The following FCF1 variants were observed in gnomAD, a reference collection of about 807,000 sequenced individuals.
FCF1 encodes FCF1 rRNA-processing protein.
FCF1 carries 17 observed loss-of-function variants against 32.5 expected under a neutral mutation model. The ratio of observed to expected loss-of-function variants is 0.52; its 90% CI spans 0.36 to 0.78. The LOEUF is 0.78. Ranked by LOEUF, FCF1 falls within the 30% of genes least tolerant of loss-of-function variation. The pLI is 0.00. For synonymous variants in FCF1, 84 were observed against 78.4 expected, an observed-to-expected ratio of 1.07 and a Z score of -0.38; for missense variants, 201 against 241.1, an observed-to-expected ratio of 0.83 and a Z score of 1.10.
At chr14:74,723,922 T>C (rs567700845) in intron 5 of FCF1, among the ~76,000 whole-genome samples, 1 of 151,878 alleles carries the variant, frequency 6.6e-6, no homozygotes, top group Non-Finnish European at 1.5e-5. Flanking sequence ...TAAACAGACA[T>C]ACATAATCAA....
chr14:74,730,655 A>G (rs925204024), intron 5 of FCF1, among the ~76,000 whole-genome samples: 3 of 152,148 alleles, frequency 2.0e-5, no homozygotes, highest in Non-Finnish European at 4.4e-5. Flanking sequence ...CAGAGGCTGC[A>G]ATGAGCCAAG....
chr14:74,716,864 A>C (rs1265390087), intron 4 of FCF1, among the ~76,000 whole-genome samples: 1 of 152,116 alleles, frequency 6.6e-6, no homozygotes, highest in Non-Finnish European at 1.5e-5. Flanking sequence ...AAAAATTTGT[A>C]CCTCCCTTTT....
At chr14:74,717,085 C>CG (rs1331296000) in intron 4 of FCF1, among the ~76,000 whole-genome samples, 1 of 152,074 alleles carries the variant, frequency 6.6e-6, no homozygotes, top group African/African-American at 2.4e-5. Context: ...TCCCAGCACT[C>CG]GCGGTGGCTC....
chr14:74,729,308 A>G (rs1484885943), intron 5 of FCF1, among the ~76,000 whole-genome samples: 1 of 151,832 alleles, frequency 6.6e-6, no homozygotes, highest in African/African-American at 2.4e-5. Flanking sequence ...CAGAGATTCA[A>G]CTTCTTCCTG....
rs1260376615 is a variant in FCF1 at position 74,735,782 on chromosome 14, A to C, written c.*852A>C. ...GGGGTGGATATTTTTAGTAGAGACA[A>C]ATACTTTTGTATTTTTAATACAGAA... On this transcript the variant is annotated 3_prime_UTR_variant, in exon 8 of 8. Transcript: ENST00000341162. 6.6e-6 allele frequency: 1 copy of C among 152,084 alleles called. No individual in the cohort carries two copies. The highest frequency in any genetic ancestry group is 1.5e-5 in the Non-Finnish European group (1 of 68,196). 9.4% of individuals were successfully genotyped at this position (152,084 alleles called of 1,614,324 possible).
Position 74,737,812 on chromosome 14 carries a change from A to G in FCF1, c.*2882A>G, listed in dbSNP as rs2111703. 0.69 allele frequency: 105,382 copies of G among 151,878 alleles called. 36,684 individuals carry two copies. Among genetic ancestry groups the G allele is most frequent in the East Asian group, 0.75 (3,842 of 5,140 alleles). The allele number at this position is 151,878 out of a possible 1,614,324, so 9.4% of individuals were successfully genotyped here. On this transcript the variant is annotated 3_prime_UTR_variant, in exon 8 of 8. Transcript: ENST00000341162. ...AGCCTGACCAACATGGAGAAACCCC[A>G]TCTCTACTAAAAATACAAAAAAACA...
At chr14:74,720,444 A>G (rs1460408089) in intron 4 of FCF1, among the ~76,000 whole-genome samples, 2 of 152,220 alleles carry the variant, frequency 1.3e-5, no homozygotes, top group East Asian at 3.8e-4. Context: ...ATAAAAATAG[A>G]ATCTTATAAT....
rs2090724971 is a variant in FCF1, at chr14:74,738,322, A to G, written c.*3392A>G. 2 of 152,190 alleles carry G rather than the reference A, an allele frequency of 1.3e-5. No homozygotes were observed. The highest frequency in any genetic ancestry group is 1.9e-4 in the East Asian group (1 of 5,196). The allele number at this position is 152,190 out of a possible 1,614,324, so 9.4% of individuals were successfully genotyped here. A position where few individuals can be genotyped will look rare whatever the true frequency, so the allele number is the denominator to read the frequency against. On this transcript the variant is annotated 3_prime_UTR_variant, in exon 8 of 8. Coordinates refer to ENST00000341162, the MANE Select transcript of FCF1 (RefSeq NM_015962.5). ...CTGCACCCACCCTAAACTTATTTCT[A>G]AGCTATGGAAGCATTAGGAAAATAA...
At chr14:74,721,515 A>T (rs1010983539) in intron 4 of FCF1, among the ~76,000 whole-genome samples, 9 of 152,136 alleles carry the variant, frequency 5.9e-5, no homozygotes, top group Admixed American at 2.0e-4. Flanking sequence ...AGCCTGACCA[A>T]CATGGTGAAA....
chr14:74,718,315 C>T (rs1033039283), intron 4 of FCF1, among the ~76,000 whole-genome samples: 7 of 152,176 alleles, frequency 4.6e-5, no homozygotes, highest in Non-Finnish European at 8.8e-5. Flanking sequence ...TTCTCTTCTG[C>T]CTATGAATCC....
chr14:74,720,102 A>G (rs903040803), intron 4 of FCF1, among the ~76,000 whole-genome samples: 6 of 152,230 alleles, frequency 3.9e-5, no homozygotes, highest in African/African-American at 1.4e-4. Flanking sequence ...AGATCGTGCC[A>G]TTGCAAGAGC....
At chr14:74,717,290 A>G (rs898095445) in intron 4 of FCF1, among the ~76,000 whole-genome samples, 5 of 152,016 alleles carry the variant, frequency 3.3e-5, no homozygotes, top group African/African-American at 4.8e-5. Context: ...TGGGAGGTGG[A>G]GCTTGCAGTG....
Position 74,736,916 on chromosome 14 carries a change from T to C in FCF1, c.*1986T>C, listed in dbSNP as rs2090713143. 6.6e-6 allele frequency: 1 copy of C among 152,122 alleles called. No homozygotes were observed. The highest frequency in any genetic ancestry group is 1.5e-5 in the Non-Finnish European group (1 of 68,036). 9.4% of individuals were successfully genotyped at this position (152,122 alleles called of 1,614,324 possible). A position where few individuals can be genotyped will look rare whatever the true frequency, so the allele number is the denominator to read the frequency against. On this transcript the variant is annotated 3_prime_UTR_variant, in exon 8 of 8. Transcript: ENST00000341162. ...TGCTAGGGTAAAAGTTTCAGAGGCA[T>C]GTCATGGGCACATAAAGGTGGAATG...
chr14:74,725,632 T>C (rs971185803), intron 5 of FCF1, among the ~76,000 whole-genome samples: 2 of 151,500 alleles, frequency 1.3e-5, no homozygotes, highest in African/African-American at 4.9e-5. Flanking sequence ...CTACAAAACT[T>C]TAAAAATTTG....
chr14:74,716,480 C>G (rs144821640), intron 4 of FCF1, among the ~76,000 whole-genome samples: 157 of 152,286 alleles, frequency 1.0e-3, no homozygotes, highest in Admixed American at 1.4e-3. Flanking sequence ...TGTTGAAACA[C>G]TAAATAAGAC....
chr14:74,726,321 T>C (rs1422219942), intron 5 of FCF1, among the ~76,000 whole-genome samples: 2 of 149,176 alleles, frequency 1.3e-5, no homozygotes, highest in African/African-American at 4.9e-5. Context: ...ACCCAATGTC[T>C]ATGAAACATT....
At chr14:74,723,979 A>G (rs1177355973) in intron 5 of FCF1, among the ~76,000 whole-genome samples, 3 of 152,248 alleles carry the variant, frequency 2.0e-5, no homozygotes, top group Non-Finnish European at 2.9e-5. Context: ...CATCTGTAAG[A>G]AAAACATAAT....
Position 74,735,205 on chromosome 14 carries a change from T to TA in FCF1, c.*276dup, listed in dbSNP as rs1566723659. ...ATATTACAGAAGCAAGAAAGACAGT[T>TA]ATTCAATTAACTGAGACATGCATTA... On this transcript the variant is annotated 3_prime_UTR_variant, in exon 8 of 8. Coordinates refer to ENST00000341162, the MANE Select transcript of FCF1 (RefSeq NM_015962.5). 1 of 352,218 alleles carries TA rather than the reference T, an allele frequency of 2.8e-6. No homozygotes were observed. The highest frequency in any genetic ancestry group is 5.1e-6 in the Non-Finnish European group (1 of 194,962). The allele number at this position is 352,218 out of a possible 1,614,324, so 21.8% of individuals were successfully genotyped here.
chr14:74,735,100 G>T lies in FCF1; in HGVS notation c.*170G>T. ...CAGTCAGATTAACATCCAAAGGACTGAACCCTGAACAGAGTTAAGTTACCT... is the reference window on the plus strand; with the variant it reads ...CAGTCAGATTAACATCCAAAGGACTTAACCCTGAACAGAGTTAAGTTACCT... On this transcript the variant is annotated 3_prime_UTR_variant, in exon 8 of 8. Coordinates refer to ENST00000341162, the MANE Select transcript of FCF1 (RefSeq NM_015962.5). The T allele has an allele frequency of 4.0e-6, 2 of 500,738 alleles. No homozygotes were observed. Among genetic ancestry groups the T allele is most frequent in the Non-Finnish European group, 7.2e-6 (2 of 276,606 alleles). 31.0% of individuals were successfully genotyped at this position (500,738 alleles called of 1,614,324 possible).
Sources: gnomAD v4.1 joint callset for allele counts (sites outside exome capture counted in the v4.1 genomes callset) on GRCh38, gnomAD v4.1.1 for gene constraint, MANE v1.5 for transcripts, NCBI Gene and HGNC (gene_info 2026-07-23, HGNC 2026-07-21) for gene names.